Variants in MTARC1 observed in about 807,000 individuals in gnomAD.
MTARC1 encodes mitochondrial amidoxime reducing component 1, also known as mitochondrial amidoxime-reducing component 1.
A neutral mutation model predicts 33.6 loss-of-function variants in MTARC1; 24 were observed. The ratio of observed to expected loss-of-function variants is 0.72; its 90% confidence interval spans 0.52 to 1.01. MTARC1 has a LOEUF of 1.01. Ranked by LOEUF, MTARC1 falls within the 50% of genes least tolerant of loss-of-function variation. MTARC1 has a pLI of 0.00. For missense variants in MTARC1, 417 were observed against 445.7 expected (o/e 0.94, Z 0.58); for synonymous variants, 187 against 189.5 (o/e 0.99, Z 0.11).
At chr1:220,812,274 G>A (rs1403495269) in intron 6 of MTARC1, among the ~76,000 whole-genome samples, 1 of 152,196 alleles carries the variant, frequency 6.6e-6, no homozygotes, top group Non-Finnish European at 1.5e-5. Flanking sequence ...CTGGGGCCAG[G>A]TAGAGCCCTA....
At chr1:220,792,206 G>A (rs890198640) in intron 2 of MTARC1, among the ~76,000 whole-genome samples, 1 of 152,142 alleles carries the variant, frequency 6.6e-6, no homozygotes, top group African/African-American at 2.4e-5. Flanking sequence ...GCTGCCCAGG[G>A]GTCAGTGTCA....
intron 4 of MTARC1, among the ~76,000 whole-genome samples, chr1:220,800,278 C>T (rs868530731): frequency 6.6e-5 from 10 of 152,300 alleles, no homozygotes; most frequent in African/African-American, 1.4e-4. Context: ...GTGGCTGAGC[C>T]GGCCTTGTTT....
intron 4 of MTARC1, chr1:220,798,692 A>G: frequency 1.4e-6 from 1 of 737,006 alleles, no homozygotes; most frequent in Non-Finnish European, 1.7e-6. Context: ...AGTGGCCACC[A>G]GCTGTGGATA....
chr1:220,787,536 A>C (rs998233896), intron 1 of MTARC1, among the ~76,000 whole-genome samples: 1 of 152,078 alleles, frequency 6.6e-6, no homozygotes, highest in African/African-American at 2.4e-5. Context: ...CCAGTGAGCA[A>C]ACTTCTTAAT....
intron 6 of MTARC1, among the ~76,000 whole-genome samples, chr1:220,809,633 C>T (rs562715570): frequency 2.0e-5 from 3 of 152,320 alleles, no homozygotes; most frequent in African/African-American, 7.2e-5. Flanking sequence ...CCTCAGTCTC[C>T]CAAGTAGCTG....
chr1:220,792,844 A>G (rs144048239), intron 2 of MTARC1, among the ~76,000 whole-genome samples: 2 of 152,170 alleles, frequency 1.3e-5, no homozygotes, highest in East Asian at 1.9e-4. Context: ...TAAGGATACC[A>G]TTTTTCATGT....
chr1:220,802,611 C>A (rs1672848771), intron 4 of MTARC1, among the ~76,000 whole-genome samples: 1 of 152,218 alleles, frequency 6.6e-6, no homozygotes, highest in African/African-American at 2.4e-5. Context: ...GGATAACAGG[C>A]ATGAGCCACT....
At chr1:220,804,042 T>C (rs1672893246) in intron 4 of MTARC1, among the ~76,000 whole-genome samples, 2 of 152,184 alleles carry the variant, frequency 1.3e-5, no homozygotes, top group African/African-American at 4.8e-5. Context: ...TAACTCCAGG[T>C]CTTTGCCTTC....
intron 6 of MTARC1, among the ~76,000 whole-genome samples, chr1:220,811,830 A>G (rs1349051623): frequency 6.6e-6 from 1 of 152,106 alleles, no homozygotes; most frequent in Non-Finnish European, 1.5e-5. Context: ...AGACGGTTTT[A>G]CTCATGAGCA....
chr1:220,798,083 A>G (rs1672678800), intron 4 of MTARC1, 69 bp downstream of exon 4: 4 of 1,612,854 alleles, frequency 2.5e-6, no homozygotes, highest in Non-Finnish European at 3.4e-6. Context: ...AGTCTTTGAC[A>G]TTGGATTAGA....
chr1:220,812,290 C>T (rs1025081911), intron 6 of MTARC1, among the ~76,000 whole-genome samples: 2 of 152,158 alleles, frequency 1.3e-5, no homozygotes, highest in African/African-American at 4.8e-5. Context: ...CCCTACATAC[C>T]AGGCTGAATA....
Position 220,813,958 on chromosome 1 carries a change from G to A in MTARC1, c.*540G>A. 6.3e-6 allele frequency: 1 copy of A among 157,922 alleles called. No homozygotes were observed. Among genetic ancestry groups the A allele is most frequent in the Non-Finnish European group, 1.4e-5 (1 of 71,232 alleles). 9.8% of individuals were successfully genotyped at this position (157,922 alleles called of 1,614,324 possible). On this transcript the variant is annotated 3_prime_UTR_variant, in exon 7 of 7. Coordinates refer to ENST00000366910, the MANE Select transcript of MTARC1 (RefSeq NM_022746.4). ...GGCATAAAGACTGAGGTGACCTTCA[G>A]GAAGCACTGCAGATATTAATTTTCC...
At chr1:220,793,455 G>A (rs960778953) in intron 2 of MTARC1, 2 of 152,192 alleles carry the variant, frequency 1.3e-5, no homozygotes, top group African/African-American at 4.8e-5. Flanking sequence ...ACATGCTACG[G>A]TAGTATACAG....
intron 6 of MTARC1, among the ~76,000 whole-genome samples, chr1:220,809,488 C>CTTTAATTTAATTTAA (rs1673063220): frequency 1.7e-5 from 2 of 118,508 alleles, no homozygotes; most frequent in East Asian, 4.2e-4. Flanking sequence ...CCGTCTAATT[C>CTTTAATTTAATTTAA]TTCAATTTAA....
chr1:220,818,930 G>A lies in MTARC1; in HGVS notation c.*5512G>A, dbSNP rs530833981. The stretch of plus-strand genomic sequence containing the variant: ...CAGGCAGCTCTGGTTAACATCAACC[G>A]GGAAAGCTCTTTGTAAACACATGAA... On this transcript the variant is annotated 3_prime_UTR_variant, in exon 7 of 7. Transcript: ENST00000366910. 6.6e-6 allele frequency: 1 copy of A among 152,256 alleles called. No homozygotes were observed. The highest frequency in any genetic ancestry group is 2.1e-4 in the South Asian group (1 of 4,828). The allele number at this position is 152,256 out of a possible 1,614,324, so 9.4% of individuals were successfully genotyped here.
chr1:220,793,203 G>A (rs1424386370), intron 2 of MTARC1: 1 of 152,168 alleles, frequency 6.6e-6, no homozygotes, highest in African/African-American at 2.4e-5. Context: ...TTCCCTGAAT[G>A]AGGTAAGCTT....
At chr1:220,788,822 G>C (rs561808493) in intron 1 of MTARC1, among the ~76,000 whole-genome samples, 10 of 150,942 alleles carry the variant, frequency 6.6e-5, no homozygotes, top group African/African-American at 2.2e-4. Context: ...TCCATGTTTC[G>C]TATAGTAGGC....
At chr1:220,792,542 A>C (rs1020576801) in intron 2 of MTARC1, among the ~76,000 whole-genome samples, 2 of 152,122 alleles carry the variant, frequency 1.3e-5, no homozygotes, top group African/African-American at 4.8e-5. Flanking sequence ...TACTGATGTA[A>C]TTTCTACATT....
intron 4 of MTARC1, chr1:220,799,336 C>A: frequency 3.8e-6 from 1 of 261,550 alleles, no homozygotes; most frequent in Non-Finnish European, 5.9e-6. Context: ...CTCAGTGCTT[C>A]TTTGTGACAA....
Sources: allele counts gnomAD v4.1 joint callset (sites outside exome capture counted in the v4.1 genomes callset), GRCh38; gene constraint gnomAD v4.1.1; transcripts MANE v1.5; gene names NCBI Gene and HGNC (gene_info 2026-07-23, HGNC 2026-07-21).